HDAC4: variants seen among roughly 807,000 people sequenced by gnomAD.
The protein encoded by HDAC4 is histone deacetylase A.
A neutral mutation model predicts 135.1 loss-of-function variants in HDAC4; 16 were observed. The observed-to-expected ratio is 0.12, with a 90% confidence interval of 0.08 to 0.18. The LOEUF is 0.18. Among genes scored for constraint, HDAC4 ranks in the 10% least tolerant of loss-of-function variants. HDAC4 has a pLI of 1.00. For synonymous variants in HDAC4, 685 were observed against 653.4 expected, an observed-to-expected ratio of 1.05 and a Z score of -0.74; for missense variants, 1,143 against 1,511.8, an observed-to-expected ratio of 0.76 and a Z score of 4.05.
At chr2:239,323,810 G>A (rs1269454288) in intron 2 of HDAC4, among the ~76,000 whole-genome samples, 2 of 151,898 alleles carry the variant, frequency 1.3e-5, no homozygotes, top group African/African-American at 4.8e-5. Context: ...GCCTGCACAG[G>A]GAAAAAACGC....
chr2:239,287,270 G>T (rs780108096), intron 2 of HDAC4, among the ~76,000 whole-genome samples: 1 of 152,156 alleles, frequency 6.6e-6, no homozygotes, highest in African/African-American at 2.4e-5. Context: ...AGGCTCCTTC[G>T]GCTGCGACGG....
At chr2:239,339,768 A>C (rs146779751) in intron 2 of HDAC4, among the ~76,000 whole-genome samples, 1 of 152,174 alleles carries the variant, frequency 6.6e-6, no homozygotes, top group African/African-American at 2.4e-5. Flanking sequence ...TCCACTCATA[A>C]CAGCATCCAG....
chr2:239,149,397 T>TAAATAAATAAAA (rs1553634373), intron 7 of HDAC4, among the ~76,000 whole-genome samples: 1 of 150,942 alleles, frequency 6.6e-6, no homozygotes, highest in African/African-American at 2.4e-5. Flanking sequence ...AATAAATAAA[T>TAAATAAATAAAA]AAAAAGATAA....
At chr2:239,123,127 G>A (rs1022691983) in intron 12 of HDAC4, among the ~76,000 whole-genome samples, 7 of 152,146 alleles carry the variant, frequency 4.6e-5, no homozygotes, top group African/African-American at 1.7e-4. Flanking sequence ...AAGAGTATAC[G>A]GCATGTGAAT....
chr2:239,364,091 G>A (rs1160316062), intron 1 of HDAC4, among the ~76,000 whole-genome samples: 3 of 152,144 alleles, frequency 2.0e-5, no homozygotes, highest in Admixed American at 6.5e-5. Flanking sequence ...GTGGTTGGCC[G>A]GCACTCACAC....
chr2:239,319,327 G>A (rs1165638012), intron 2 of HDAC4, among the ~76,000 whole-genome samples: 1 of 152,218 alleles, frequency 6.6e-6, no homozygotes, highest in African/African-American at 2.4e-5. Flanking sequence ...CACACACCCA[G>A]ATATTTCAAT....
chr2:239,157,934 G>A (rs1198303816), intron 6 of HDAC4, among the ~76,000 whole-genome samples: 2 of 152,218 alleles, frequency 1.3e-5, no homozygotes, highest in Non-Finnish European at 1.5e-5. Flanking sequence ...GGGAGCTCCG[G>A]AAAACTGCAC....
chr2:239,079,685 C>T (rs1270185070), intron 22 of HDAC4, among the ~76,000 whole-genome samples: 1 of 152,214 alleles, frequency 6.6e-6, no homozygotes, highest in African/African-American at 2.4e-5. Flanking sequence ...CTCAGGTGCA[C>T]ACGAAGACAT....
At chr2:239,389,815 C>A (rs1293934616) in intron 1 of HDAC4, among the ~76,000 whole-genome samples, 3 of 152,208 alleles carry the variant, frequency 2.0e-5, no homozygotes, top group Admixed American at 6.5e-5. Flanking sequence ...AGGCCAGTTC[C>A]CCAGCCGGCT....
chr2:239,159,992 A>AG (rs1415664602), intron 6 of HDAC4, among the ~76,000 whole-genome samples: 1 of 152,260 alleles, frequency 6.6e-6, no homozygotes, highest in African/African-American at 2.4e-5. Flanking sequence ...TGTAGAATAA[A>AG]GCTTCATACA....
chr2:239,166,334 T>C (rs911812415), intron 5 of HDAC4, among the ~76,000 whole-genome samples: 2 of 152,098 alleles, frequency 1.3e-5, no homozygotes, highest in African/African-American at 4.8e-5. Context: ...GCCACCGTGA[T>C]GCATGAGGCT....
intron 12 of HDAC4, among the ~76,000 whole-genome samples, chr2:239,124,625 G>A (rs967849089): frequency 3.1e-4 from 45 of 144,842 alleles, no homozygotes; most frequent in African/African-American, 1.1e-3. Context: ...CCGGCGTGCC[G>A]GCATGTGGCC....
At chr2:239,129,287 T>A (rs1575129820) in intron 11 of HDAC4, among the ~76,000 whole-genome samples, 1 of 152,090 alleles carries the variant, frequency 6.6e-6, no homozygotes, top group African/African-American at 2.4e-5. Context: ...GGCAGGGTGG[T>A]TTCCAATTTG....
chr2:239,076,055 G>T (rs2034723268), intron 22 of HDAC4, among the ~76,000 whole-genome samples: 1 of 148,434 alleles, frequency 6.7e-6, no homozygotes, highest in African/African-American at 2.5e-5. Context: ...AGACAAAGCT[G>T]GGCCAGGATA....
In HDAC4 at chr2:239,285,209, CACAGAGCCACGGTGGAGGGGG is replaced by C. The variant is rs2051066083; in HGVS notation, c.23-48566_23-48546del. Among the ~76,000 whole-genome samples the C allele has an allele frequency of 6.6e-6, 1 of 152,174 alleles. No individual in the cohort carries two copies. The highest frequency in any genetic ancestry group is 1.5e-5 in the Non-Finnish European group (1 of 68,036). On this transcript the variant is annotated intron_variant, in intron 2 of 26. Transcript: ENST00000543185. This position sits in a 1 kb window ranked among gnomAD's most constrained non-coding sequence, Gnocchi z 4.5. ...GTGAGAAAACAGGCAGCTGGATGAG[CACAGAGCCACGGTGGAGGGGG>C]ACAGAGCCACGCTAAGGAGGAACAC...
At chr2:239,149,054 T>C (rs2041942985) in intron 7 of HDAC4, among the ~76,000 whole-genome samples, 1 of 152,220 alleles carries the variant, frequency 6.6e-6, no homozygotes, top group South Asian at 2.1e-4. Context: ...TCTCCTATCA[T>C]GAACATCATG....
intron 2 of HDAC4, among the ~76,000 whole-genome samples, chr2:239,318,501 T>G (rs2053194804): frequency 6.6e-6 from 1 of 152,002 alleles, no homozygotes; most frequent in Admixed American, 6.5e-5. Flanking sequence ...TAACGAGACA[T>G]CACTAGACTA....
chr2:239,096,021 G>A (rs1476519646), intron 16 of HDAC4, among the ~76,000 whole-genome samples: 4 of 152,046 alleles, frequency 2.6e-5, no homozygotes, highest in East Asian at 1.9e-4. Flanking sequence ...TGTACCCCCC[G>A]CTGTGGGGCT....
At chr2:239,054,569 A>ATG (rs1158942042) in intron 25 of HDAC4, among the ~76,000 whole-genome samples, 180 bp downstream of exon 25, 2 of 152,262 alleles carry the variant, frequency 1.3e-5, no homozygotes, top group Non-Finnish European at 2.9e-5. Flanking sequence ...TCGGGGTTAA[A>ATG]TGTGAGTCTC....
Sources: allele counts gnomAD v4.1 joint callset (sites outside exome capture counted in the v4.1 genomes callset), GRCh38; gene constraint gnomAD v4.1.1; non-coding constraint Gnocchi (gnomAD v3.1); transcripts MANE v1.5; gene names NCBI Gene and HGNC (gene_info 2026-07-23, HGNC 2026-07-21).